Variants in ZBTB7C observed in about 807,000 individuals in gnomAD.
ZBTB7C encodes zinc finger and BTB domain-containing protein 7C.
Under a neutral mutation model 25.7 loss-of-function variants are expected in ZBTB7C, and 8 were observed. That is an observed-to-expected ratio of 0.31 (90% CI 0.18 to 0.56). The LOEUF (loss-of-function observed/expected upper bound fraction) is 0.56, where lower values mean the gene tolerates loss of function less well. Among genes scored for constraint, ZBTB7C ranks in the 20% least tolerant of loss-of-function variants. The pLI is 0.91. For synonymous variants in ZBTB7C, 394 were observed against 369.0 expected (o/e 1.07, Z -0.78); for missense variants, 824 against 855.2 (o/e 0.96, Z 0.46).
chr18:48,059,762 AG>A (rs1020172467), intron 3 of ZBTB7C, among the ~76,000 whole-genome samples: 3 of 152,300 alleles, frequency 2.0e-5, no homozygotes, highest in Non-Finnish European at 4.4e-5. Context: ...TAGGAGCTAA[AG>A]AATCATAAAA....
intron 3 of ZBTB7C, among the ~76,000 whole-genome samples, chr18:48,055,619 C>T (rs2036885038): frequency 6.6e-6 from 1 of 152,038 alleles, no homozygotes; most frequent in Admixed American, 6.6e-5. Context: ...CTTTGTGAGA[C>T]TCTCAGGAGA....
rs547353079 is a variant in ZBTB7C at position 48,034,801 on chromosome 18, G to A, written c.1209-4890C>T. ...CCAAGGACATATGCACCCAAGCCTC[G>A]GTCTACATGCCTCCTTTCAGCCTGG... is the stretch of plus-strand genomic sequence containing the variant. On this transcript the variant is annotated intron_variant, in intron 4 of 4. Transcript: ENST00000590800. 1.1e-4 allele frequency among the ~76,000 whole-genome samples: 17 copies of A among 152,194 alleles called. No individual in the cohort carries two copies. In the East Asian group the frequency reaches 2.9e-3, roughly 26 times the overall value.
At chr18:48,130,610 A>G (rs2039957989) in intron 3 of ZBTB7C, among the ~76,000 whole-genome samples, 1 of 152,148 alleles carries the variant, frequency 6.6e-6, no homozygotes, top group Admixed American at 6.5e-5. Context: ...CCATCTACTT[A>G]AAGGCTCTCT....
At chr18:48,400,117 C>T (rs1192227719) in intron 1 of ZBTB7C, among the ~76,000 whole-genome samples, 2 of 152,190 alleles carry the variant, frequency 1.3e-5, no homozygotes, top group Non-Finnish European at 2.9e-5. Context: ...AATGCCCCTG[C>T]CCCATCTCCA....
chr18:48,379,656 G>A lies in ZBTB7C; in HGVS notation c.-304+29570C>T, dbSNP rs572907973. 1.1e-3 allele frequency among the ~76,000 whole-genome samples: 160 copies of A among 152,140 alleles called. 1 individual carries two copies. The highest frequency in any genetic ancestry group is 3.8e-3 in the African/African-American group (157 of 41,522). On this transcript the variant is annotated intron_variant, in intron 1 of 4. Coordinates refer to ENST00000590800, the MANE Select transcript of ZBTB7C (RefSeq NM_001318841.2). ...TTAAAATAAAAACCTTCAGATCTAT[G>A]AAAGACACTGGTAAGAGAATAAAAA...
chr18:48,183,445 C>T (rs1248324419), intron 3 of ZBTB7C, among the ~76,000 whole-genome samples: 1 of 152,190 alleles, frequency 6.6e-6, no homozygotes, highest in Non-Finnish European at 1.5e-5. Flanking sequence ...TGAGACGATA[C>T]TGTCTGTTAA....
intron 3 of ZBTB7C, chr18:48,136,884 C>T (rs1260727072): frequency 7.0e-6 from 6 of 854,660 alleles, no homozygotes; most frequent in Non-Finnish European, 8.4e-6. Flanking sequence ...CGAGAATGCC[C>T]GCAGCGCTCT....
rs565030595 is a variant in ZBTB7C, at chr18:48,027,697, G to A, written c.*1563C>T. 3.3e-5 allele frequency: 5 copies of A among 152,372 alleles called. No homozygotes were observed. Among genetic ancestry groups the A allele is most frequent in the East Asian group, 1.9e-4 (1 of 5,184 alleles). The allele number at this position is 152,372 out of a possible 1,614,324, so 9.4% of individuals were successfully genotyped here. On this transcript the variant is annotated 3_prime_UTR_variant, in exon 5 of 5. Transcript: ENST00000590800. ...CAGGAAAAAGCCAAGGCAACAGGAA[G>A]AGCTGAAGTCTCTTTGTGCCCATAG... is the stretch of plus-strand genomic sequence containing the variant.
intron 3 of ZBTB7C, among the ~76,000 whole-genome samples, chr18:48,142,151 G>A (rs182733027): frequency 3.3e-4 from 50 of 152,276 alleles, no homozygotes; most frequent in Admixed American, 5.9e-4. Flanking sequence ...GGAACCTATC[G>A]GCCATTTGCC....
chr18:48,055,566 C>T (rs1230534495), intron 3 of ZBTB7C, among the ~76,000 whole-genome samples: 1 of 152,070 alleles, frequency 6.6e-6, no homozygotes, highest in Non-Finnish European at 1.5e-5. Flanking sequence ...TCACAAGTGC[C>T]CGCTTCTGAA....
chr18:48,375,613 A>T lies in ZBTB7C; in HGVS notation c.-304+33613T>A, dbSNP rs1251988459. 2.0e-5 allele frequency: 3 copies of T among 152,334 alleles called. No individual in the cohort carries two copies. In the East Asian group the frequency reaches 5.8e-4, roughly 29 times the overall value. 9.4% of individuals were successfully genotyped at this position (152,334 alleles called of 1,614,324 possible). ...TGTACACATACACACACACACAGCAATTGCAGGTAGGAGTGGCAGAGAAAA... is the reference window on the plus strand; with the variant it reads ...TGTACACATACACACACACACAGCATTTGCAGGTAGGAGTGGCAGAGAAAA... On this transcript the variant is annotated intron_variant, in intron 1 of 4. Coordinates refer to ENST00000590800, the MANE Select transcript of ZBTB7C (RefSeq NM_001318841.2).
chr18:48,312,173 C>G (rs1350168240), intron 2 of ZBTB7C, among the ~76,000 whole-genome samples: 1 of 152,216 alleles, frequency 6.6e-6, no homozygotes, highest in East Asian at 1.9e-4. Context: ...GGGCTTCGGC[C>G]ACATCTTGGA....
intron 3 of ZBTB7C, among the ~76,000 whole-genome samples, chr18:48,091,597 T>A (rs2038419971): frequency 6.6e-6 from 1 of 152,112 alleles, no homozygotes; most frequent in Non-Finnish European, 1.5e-5. Context: ...TTATTAGAGC[T>A]TTTAGACACA....
At chr18:48,066,216 C>T (rs913445981) in intron 3 of ZBTB7C, among the ~76,000 whole-genome samples, 3 of 152,322 alleles carry the variant, frequency 2.0e-5, no homozygotes, top group South Asian at 2.1e-4. Flanking sequence ...CCTTGGTTTG[C>T]GGCTCTGTCT....
At chr18:48,298,348 CT>C (rs1234350795) in intron 2 of ZBTB7C, among the ~76,000 whole-genome samples, 1 of 151,854 alleles carries the variant, frequency 6.6e-6, no homozygotes, top group African/African-American at 2.4e-5. Flanking sequence ...GACCTGCCCC[CT>C]GTCCTTCCCT....
At chr18:48,344,396 T>G (rs540500688) in intron 1 of ZBTB7C, among the ~76,000 whole-genome samples, 4 of 152,232 alleles carry the variant, frequency 2.6e-5, no homozygotes, top group Non-Finnish European at 5.9e-5. Context: ...GTCAAGATCC[T>G]GCATTGCTAA....
chr18:48,240,704 C>G (rs1191114262), intron 2 of ZBTB7C, among the ~76,000 whole-genome samples: 1 of 152,160 alleles, frequency 6.6e-6, no homozygotes, highest in Non-Finnish European at 1.5e-5. Flanking sequence ...AGTTCTAAAT[C>G]TTGAAACAAA....
At chr18:48,169,762 A>G (rs1431952491) in intron 3 of ZBTB7C, 2 of 121,576 alleles carry the variant, frequency 1.6e-5, no homozygotes, top group Admixed American at 1.7e-4. Flanking sequence ...TTTTACTATC[A>G]AAAGTGTCCC....
intron 2 of ZBTB7C, among the ~76,000 whole-genome samples, chr18:48,285,227 G>A (rs893126668): frequency 5.3e-5 from 8 of 152,142 alleles, no homozygotes; most frequent in Non-Finnish European, 1.2e-4. Flanking sequence ...TTTACAAAAG[G>A]TATGTTTAAA....
Sources: gnomAD v4.1 joint callset for allele counts (sites outside exome capture counted in the v4.1 genomes callset) on GRCh38, gnomAD v4.1.1 for gene constraint, MANE v1.5 for transcripts, NCBI Gene and HGNC (gene_info 2026-07-23, HGNC 2026-07-21) for gene names.